The following RNF180 variants were observed in gnomAD, a reference collection of about 807,000 sequenced individuals.
RNF180 encodes the protein E3 ubiquitin-protein ligase RNF180.
A neutral mutation model predicts 59.2 loss-of-function variants in RNF180; 38 were observed. The ratio of observed to expected loss-of-function variants is 0.64; its 90% confidence interval spans 0.50 to 0.84. The LOEUF (loss-of-function observed/expected upper bound fraction) is 0.84. Among genes scored for constraint, RNF180 ranks in the 40% least tolerant of loss-of-function variants. The pLI is 0.00. For synonymous variants in RNF180, 262 were observed against 240.3 expected, an observed-to-expected ratio of 1.09 and a Z score of -0.84; for missense variants, 705 against 700.9, an observed-to-expected ratio of 1.01 and a Z score of -0.07.
chr5:64,217,110 G>A (rs1337642010), intron 4 of RNF180, among the ~76,000 whole-genome samples: 2 of 152,126 alleles, frequency 1.3e-5, no homozygotes, highest in East Asian at 3.9e-4. Flanking sequence ...GAATCCTATA[G>A]TATACAACCT....
chr5:64,170,481 G>A (rs2111866431), intron 1 of RNF180, among the ~76,000 whole-genome samples: 1 of 152,292 alleles, frequency 6.6e-6, no homozygotes, highest in East Asian at 1.9e-4. Flanking sequence ...GATCTTTTAA[G>A]TTATGTAAAG....
At chr5:64,228,116 T>A (rs1481812882) in intron 5 of RNF180, among the ~76,000 whole-genome samples, 1 of 152,256 alleles carries the variant, frequency 6.6e-6, no homozygotes, top group Non-Finnish European at 1.5e-5. Context: ...CACCTGGGAT[T>A]CCTTTTTACA....
chr5:64,206,275 A>C (rs2112082957), intron 2 of RNF180, among the ~76,000 whole-genome samples: 1 of 152,326 alleles, frequency 6.6e-6, no homozygotes, highest in African/African-American at 2.4e-5. Context: ...GAGCTGAGGG[A>C]TGGTCAAACA....
intron 5 of RNF180, among the ~76,000 whole-genome samples, chr5:64,306,475 C>T (rs1407216801): frequency 6.6e-6 from 1 of 151,494 alleles, no homozygotes; most frequent in Non-Finnish European, 1.5e-5. Context: ...AAACTAAAAC[C>T]AGAAAGATTA....
intron 5 of RNF180, among the ~76,000 whole-genome samples, chr5:64,227,174 C>T (rs1219183984): frequency 6.6e-6 from 1 of 152,218 alleles, no homozygotes; most frequent in Non-Finnish European, 1.5e-5. Flanking sequence ...TCGGGACTTG[C>T]AGGAGGCCCT....
Position 64,212,067 on chromosome 5 carries a change from T to G in RNF180, c.138T>G (p.Asp46Glu). The change falls in exon 3 of 8, where the codon GAT (aspartate) becomes GAG (glutamate). Residue 46 changes from aspartate (D) to glutamate (E), a missense_variant and splice_region_variant. Physicochemically the swap from Asp to Glu is conservative, Grantham distance 45 (BLOSUM62 2). Transcript: ENST00000389100. ...TATCATTTATTTTTATTTAACAGGA[T>G]AAAGATGATTCAGTTGATGCTCAAA... ...MEYLENQVIK[D>E]KDDSVDAQNI... 1 of 1,548,798 alleles carries G rather than the reference T, an allele frequency of 6.5e-7. No individual in the cohort carries two copies. Among genetic ancestry groups the G allele is most frequent in the Non-Finnish European group, 8.9e-7 (1 of 1,120,846 alleles).
chr5:64,217,381 A>G lies in RNF180; in HGVS notation c.1212A>G (p.Gly404=). ...LQKQGKYSGV[G]LLDHMTLNNE... ...TCTAGGGTAAATACTCAGGAGTGGG[A>G]TTGCTGGATCATATGGTAAGTATAT... The change falls in exon 5 of 8, where the codon GGA becomes GGG. Residue 404 remains glycine, a synonymous_variant. Coordinates refer to ENST00000389100, the MANE Select transcript of RNF180 (RefSeq NM_001113561.2). 6.3e-6 allele frequency: 9 copies of G among 1,422,676 alleles called. No homozygotes were observed. The highest frequency in any genetic ancestry group is 1.4e-5 in the African/African-American group (1 of 69,124). 88.1% of individuals were successfully genotyped at this position (1,422,676 alleles called of 1,614,324 possible). A position where few individuals can be genotyped will look rare whatever the true frequency, so the allele number is the denominator to read the frequency against.
At chr5:64,344,105 C>A (rs1745461961) in intron 7 of RNF180, among the ~76,000 whole-genome samples, 1 of 151,780 alleles carries the variant, frequency 6.6e-6, no homozygotes, top group African/African-American at 2.4e-5. Flanking sequence ...ATCTTAAAAA[C>A]ATCTAGAAAA....
At position 64,214,151 on chromosome 5, in the gene RNF180, A is replaced by C. The variant is rs764870345; in HGVS notation, c.825A>C (p.Lys275Asn). ...DLSGLPLQSS[K>N]NSYSFQNPSS... ...CAGGCTTGCCTTTACAATCTAGTAA[A>C]AATAGCTATTCCTTTCAGAATCCAT... Residue 275 changes from lysine (K) to asparagine (N), a missense_variant, in exon 4 of 8, where the codon AAA becomes AAC. Transcript: ENST00000389100. 1.9e-6 allele frequency: 3 copies of C among 1,614,202 alleles called. No homozygotes were observed. Among genetic ancestry groups the C allele is most frequent in the Non-Finnish European group, 2.5e-6 (3 of 1,180,034 alleles).
In RNF180 at chr5:64,371,499, GTAT is replaced by G. The variant is rs1746658228; in HGVS notation, c.*1692_*1694del. Reference sequence around the variant, plus strand: ...TTTTAATTATGTATAAACTAAATAAGTATTATTATAGATACAGATCTCTCATAG... The same window carrying G: ...TTTTAATTATGTATAAACTAAATAAGTATTATAGATACAGATCTCTCATAG... On this transcript the variant is annotated 3_prime_UTR_variant, in exon 8 of 8. Transcript: ENST00000389100. 6.6e-6 allele frequency: 1 copy of G among 151,390 alleles called. No homozygotes were observed. Among genetic ancestry groups the G allele is most frequent in the Non-Finnish European group, 1.5e-5 (1 of 67,640 alleles). The allele number at this position is 151,390 out of a possible 1,614,324, so 9.4% of individuals were successfully genotyped here.
chr5:64,284,766 C>T (rs1338063568), intron 5 of RNF180, among the ~76,000 whole-genome samples: 1 of 152,194 alleles, frequency 6.6e-6, no homozygotes, highest in African/African-American at 2.4e-5. Context: ...CTTCCACTCT[C>T]TCCTGAATCT....
intron 5 of RNF180, among the ~76,000 whole-genome samples, chr5:64,324,060 C>G (rs1353211781): frequency 6.6e-6 from 1 of 152,206 alleles, no homozygotes; most frequent in East Asian, 1.9e-4. Context: ...ACCAATTTTA[C>G]CATAGGCTAA....
chr5:64,182,126 G>T (rs1376727759), intron 1 of RNF180, among the ~76,000 whole-genome samples: 1 of 151,578 alleles, frequency 6.6e-6, no homozygotes, highest in African/African-American at 2.4e-5. Context: ...GAGTAGCTGG[G>T]ACTACAGGCG....
chr5:64,230,090 CTATT>C (rs1742011819), intron 5 of RNF180, among the ~76,000 whole-genome samples: 1 of 152,144 alleles, frequency 6.6e-6, no homozygotes, highest in Non-Finnish European at 1.5e-5. Context: ...AATGGGTAGT[CTATT>C]TAGGTTGTCT....
chr5:64,367,535 T>C (rs1746498101), intron 7 of RNF180, among the ~76,000 whole-genome samples: 1 of 151,706 alleles, frequency 6.6e-6, no homozygotes, highest in South Asian at 2.1e-4. Flanking sequence ...GTTTATCTTT[T>C]TAAATTTCAT....
At chr5:64,290,171 G>A (rs1006492647) in intron 5 of RNF180, among the ~76,000 whole-genome samples, 13 of 152,236 alleles carry the variant, frequency 8.5e-5, no homozygotes, top group South Asian at 2.1e-4. Flanking sequence ...AGATAGTTCC[G>A]TTTCCATGTA....
intron 5 of RNF180, among the ~76,000 whole-genome samples, chr5:64,265,019 T>A (rs1259481419): frequency 6.6e-6 from 1 of 152,196 alleles, no homozygotes; most frequent in African/African-American, 2.4e-5. Context: ...GCTGCATAAG[T>A]GTCTTCTTTT....
intron 7 of RNF180, among the ~76,000 whole-genome samples, chr5:64,344,705 G>T (rs1290156493): frequency 6.6e-6 from 1 of 151,952 alleles, no homozygotes; most frequent in Non-Finnish European, 1.5e-5. Context: ...GTAGCACAGT[G>T]GTTGCCTTTC....
chr5:64,192,670 T>C (rs1304373496), intron 1 of RNF180, among the ~76,000 whole-genome samples: 1 of 151,692 alleles, frequency 6.6e-6, no homozygotes, highest in African/African-American at 2.4e-5. Flanking sequence ...AGACTCCATC[T>C]CAAAAAACAA....
Sources: gnomAD v4.1 joint callset for allele counts (sites outside exome capture counted in the v4.1 genomes callset) on GRCh38, gnomAD v4.1.1 for gene constraint, MANE v1.5 for transcripts, NCBI Gene and HGNC (gene_info 2026-07-23, HGNC 2026-07-21) for gene names.